PKD1L1: variants seen among roughly 807,000 people sequenced by gnomAD.
The protein encoded by PKD1L1 is polycystin-1-like protein 1.
A neutral mutation model predicts 323.4 loss-of-function variants in PKD1L1; 236 were observed. The observed-to-expected ratio is 0.73, with a 90% CI of 0.66 to 0.81. The LOEUF is 0.81. PKD1L1 is among the 40% of genes least tolerant of loss of function. The pLI, the probability that PKD1L1 is intolerant of heterozygous loss-of-function variation, is 0.00. For synonymous variants in PKD1L1, 1,344 were observed against 1,335.0 expected (o/e 1.01, Z -0.15); for missense variants, 3,320 against 3,508.0 (o/e 0.95, Z 1.35).
intron 9 of PKD1L1, 23 bp downstream of exon 9, chr7:47,908,054 C>G: frequency 1.2e-6 from 2 of 1,608,642 alleles, no homozygotes; most frequent in Non-Finnish European, 1.7e-6. Context: ...TGTGCTTGCT[C>G]AGACTCCAGA....
chr7:47,870,967 T>G (rs1248971374), intron 24 of PKD1L1, among the ~76,000 whole-genome samples: 11 of 126,900 alleles, frequency 8.7e-5, no homozygotes, highest in Admixed American at 5.0e-4. Flanking sequence ...ATGGAAACCT[T>G]GTCTCAAAAA....
intron 56 of PKD1L1, among the ~76,000 whole-genome samples, 186 bp downstream of exon 56, chr7:47,792,441 T>C (rs559935110): frequency 6.6e-6 from 1 of 152,176 alleles, no homozygotes; most frequent in Non-Finnish European, 1.5e-5. Flanking sequence ...GGAAGTCACA[T>C]CATGGACTTT....
Position 47,803,332 on chromosome 7 carries a change from G to T in PKD1L1, c.7840C>A (p.Leu2614Ile). The change falls in exon 53 of 57, where the codon CTC becomes ATC. Residue 2614 changes from leucine (L) to isoleucine (I), a missense_variant. Leu to Ile is a conservative substitution (Grantham distance 5). Coordinates refer to ENST00000289672, the MANE Select transcript of PKD1L1 (RefSeq NM_138295.5). ...MASWNQRARW[L>I]RGILLFLFTL... ...AAGAGGAATAAGAGGATTCCCCGGA[G>T]CCATCGAGCCCTCTGAGACAGAAGA... 6.2e-7 allele frequency: 1 copy of T among 1,613,892 alleles called. No individual in the cohort carries two copies. Among genetic ancestry groups the T allele is most frequent in the East Asian group, 2.2e-5 (1 of 44,884 alleles).
chr7:47,880,247 G>GATATATAT (rs1270124549), intron 21 of PKD1L1, among the ~76,000 whole-genome samples: 3 of 98,320 alleles, frequency 3.1e-5, no homozygotes, highest in Admixed American at 1.1e-4. Flanking sequence ...GCATAAATAA[G>GATATATAT]ATATATATAT....
chr7:47,790,481 C>A (rs1161341957), intron 56 of PKD1L1, among the ~76,000 whole-genome samples: 1 of 151,664 alleles, frequency 6.6e-6, no homozygotes, highest in African/African-American at 2.4e-5. Context: ...CAGGCGCCCG[C>A]CACCATACTC....
In PKD1L1 at chr7:47,776,994, C is replaced by A. The variant is rs1016341632; in HGVS notation, c.8527-1828G>T. ...GCAACATCCGCCTCCCAGGTTCAAT[C>A]AATTCTCCCGCCTCAGCTTCCTGAG... On this transcript the variant is annotated intron_variant, in intron 56 of 56. Transcript: ENST00000289672. 4.3e-4 allele frequency among the ~76,000 whole-genome samples: 65 copies of A among 152,134 alleles called. 2 individuals carry two copies. Among genetic ancestry groups the A allele is most frequent in the Non-Finnish European group, 4.4e-5 (3 of 68,012 alleles).
Position 47,846,907 on chromosome 7 carries a change from C to T in PKD1L1, c.5125G>A (p.Gly1709Arg). ...CAGTTCACTTTTTCAGGAGAAGTCC[C>T]TGGTTGTGGAGAGAAACGTTCAGAT... ...WKSERFSPQP[G>R]TSPEKVNCSY... Residue 1709 changes from glycine (G) to arginine (R), a missense_variant, in exon 32 of 57, where the codon GGG (glycine) becomes AGG (arginine). Physicochemically the swap from Gly to Arg is moderately radical, Grantham distance 125. Coordinates refer to ENST00000289672, the MANE Select transcript of PKD1L1 (RefSeq NM_138295.5). 2 of 1,607,858 alleles carry T rather than the reference C, an allele frequency of 1.2e-6. No individual in the cohort carries two copies. Among genetic ancestry groups the T allele is most frequent in the Non-Finnish European group, 8.5e-7 (1 of 1,178,542 alleles).
intron 52 of PKD1L1, among the ~76,000 whole-genome samples, chr7:47,804,516 G>C (rs1297150206): frequency 7.4e-6 from 1 of 135,284 alleles, no homozygotes; most frequent in Non-Finnish European, 1.5e-5. Context: ...CTGTTACCCA[G>C]GCTTGAGTGG....
chr7:47,948,848 C>T (rs1234738173), upstream of PKD1L1, among the ~76,000 whole-genome samples: 3 of 151,726 alleles, frequency 2.0e-5, no homozygotes, highest in Non-Finnish European at 4.4e-5. Context: ...TCCCAGTTAC[C>T]CAGGAGGCTC....
chr7:47,916,100 T>C (rs897704371), intron 7 of PKD1L1, among the ~76,000 whole-genome samples: 30 of 152,206 alleles, frequency 2.0e-4, no homozygotes, highest in Non-Finnish European at 1.5e-5. Context: ...CACACAGCAC[T>C]GATATCAAAG....
chr7:47,794,418 G>A (rs1469923236), intron 55 of PKD1L1, among the ~76,000 whole-genome samples: 1 of 152,212 alleles, frequency 6.6e-6, no homozygotes, highest in Admixed American at 6.5e-5. Context: ...GCTTCAGAGA[G>A]TGGAACCCCC....
At chr7:47,911,104 C>CCT (rs1787313058) in intron 8 of PKD1L1, among the ~76,000 whole-genome samples, 1 of 152,104 alleles carries the variant, frequency 6.6e-6, no homozygotes, top group African/African-American at 2.4e-5. Flanking sequence ...TAGAGCTTGG[C>CCT]GGGAGGTGAC....
At chr7:47,950,709 C>CAA (rs11445663), upstream of PKD1L1, among the ~76,000 whole-genome samples, 231 of 140,374 alleles carry the variant, frequency 1.6e-3, 2 homozygotes, top group East Asian at 0.027. Flanking sequence ...ACTCTTGTCT[C>CAA]AAAAAAAAAA....
At chr7:47,794,269 C>A (rs1787021853) in intron 55 of PKD1L1, among the ~76,000 whole-genome samples, 2 of 152,168 alleles carry the variant, frequency 1.3e-5, no homozygotes, top group Non-Finnish European at 2.9e-5. Flanking sequence ...CATCATAGGC[C>A]TGGATGCCAA....
At chr7:47,890,217 T>C (rs4386890) in intron 16 of PKD1L1, among the ~76,000 whole-genome samples, 7,003 of 152,242 alleles carry the variant, frequency 0.046, 389 homozygotes, top group African/African-American at 0.14. Context: ...CTGGCTTCAG[T>C]CCCAAGCCCC....
chr7:47,893,805 A>G (rs1562977197), intron 15 of PKD1L1, 73 bp downstream of exon 15: 4 of 1,470,136 alleles, frequency 2.7e-6, no homozygotes, highest in East Asian at 2.4e-5. Flanking sequence ...ATAGCCTCCA[A>G]CGTTCCAGAG....
chr7:47,817,893 T>G, intron 46 of PKD1L1: 1 of 605,772 alleles, frequency 1.7e-6, no homozygotes, highest in East Asian at 6.7e-5. Context: ...CCATAGCATG[T>G]ATGAGTAAAA....
upstream of PKD1L1, among the ~76,000 whole-genome samples, chr7:47,951,450 C>T (rs1788203439): frequency 6.6e-6 from 1 of 152,206 alleles, no homozygotes; most frequent in South Asian, 2.1e-4. Flanking sequence ...TAATAGTTCA[C>T]TTAGTCAACC....
At chr7:47,864,596 C>CTTT in intron 26 of PKD1L1, among the ~76,000 whole-genome samples, 1 of 99,826 alleles carries the variant, frequency 1.0e-5, no homozygotes, top group South Asian at 3.8e-4. Context: ...TTCTTTCTTT[C>CTTT]TTTCTTTCTT....
Sources: allele counts gnomAD v4.1 joint callset (sites outside exome capture counted in the v4.1 genomes callset), GRCh38; gene constraint gnomAD v4.1.1; transcripts MANE v1.5; gene names NCBI Gene and HGNC (gene_info 2026-07-23, HGNC 2026-07-21).